The following PARD3B variants were observed in gnomAD, a reference collection of about 807,000 sequenced individuals.
The protein encoded by PARD3B is par-3 family cell polarity regulator beta, also known as partitioning defective 3 homolog B.
PARD3B carries 103 observed loss-of-function variants against 130.2 expected under a neutral mutation model. That is an observed-to-expected ratio of 0.79 (90% CI 0.67 to 0.93). The LOEUF (loss-of-function observed/expected upper bound fraction) is 0.93. PARD3B is among the 40% of genes least tolerant of loss of function. The pLI, the probability that PARD3B is intolerant of heterozygous loss-of-function variation, is 0.00. For missense variants in PARD3B, 1,609 were observed against 1,499.2 expected (o/e 1.07, Z -1.21); for synonymous variants, 583 against 553.2 (o/e 1.05, Z -0.76).
At chr2:204,962,780 C>T (rs1322811872) in intron 2 of PARD3B, among the ~76,000 whole-genome samples, 1 of 152,122 alleles carries the variant, frequency 6.6e-6, no homozygotes, top group Non-Finnish European at 1.5e-5. Context: ...CAGCAAGCAA[C>T]CATGGGAGCC....
At chr2:205,466,374 G>A (rs767969359) in intron 20 of PARD3B, among the ~76,000 whole-genome samples, 1 of 152,066 alleles carries the variant, frequency 6.6e-6, no homozygotes, top group Non-Finnish European at 1.5e-5. Flanking sequence ...TGGAAGAGAG[G>A]GTATGACATT....
chr2:204,555,041 A>G (rs937084542), intron 1 of PARD3B, among the ~76,000 whole-genome samples: 3 of 152,180 alleles, frequency 2.0e-5, no homozygotes, highest in African/African-American at 4.8e-5. Context: ...GAAGGTGCCT[A>G]TGTGATCAGT....
In PARD3B at chr2:205,321,943, G is replaced by C. The variant is rs944426659; in HGVS notation, c.2630+20242G>C. Among the ~76,000 whole-genome samples, 1 of 152,176 alleles carries C rather than the reference G, an allele frequency of 6.6e-6. No homozygotes were observed. The highest frequency in any genetic ancestry group is 6.5e-5 in the Admixed American group (1 of 15,284). ...CGGTAACCATTAAATTTGGTGCAGA[G>C]TGCTTGAATGAAATGGTGAACAGGA... On this transcript the variant is annotated intron_variant, in intron 18 of 22. Coordinates refer to ENST00000406610, the MANE Select transcript of PARD3B (RefSeq NM_001302769.2). The surrounding 1 kb of genome is among the most constrained non-coding windows in gnomAD (Gnocchi z 4.2).
chr2:205,259,892 C>T (rs2040235642), intron 16 of PARD3B, among the ~76,000 whole-genome samples: 1 of 151,936 alleles, frequency 6.6e-6, no homozygotes, highest in African/African-American at 2.4e-5. Context: ...GGGATGGGAC[C>T]CAAGTCTAGA....
At chr2:204,803,144 GAAA>G (rs67190837) in intron 2 of PARD3B, among the ~76,000 whole-genome samples, 546 of 120,104 alleles carry the variant, frequency 4.5e-3, no homozygotes, top group East Asian at 0.014. Context: ...AGTGCTGAAG[GAAA>G]AAAAAAAAAA....
chr2:205,163,026 T>C (rs558928777), intron 11 of PARD3B, among the ~76,000 whole-genome samples: 64 of 152,306 alleles, frequency 4.2e-4, no homozygotes, highest in African/African-American at 1.2e-3. Flanking sequence ...AAAGAATTAC[T>C]TTAAAAATGT....
chr2:204,861,320 G>T (rs1384799036), intron 2 of PARD3B, among the ~76,000 whole-genome samples: 1 of 151,416 alleles, frequency 6.6e-6, no homozygotes, highest in African/African-American at 2.4e-5. Flanking sequence ...ATATAACTTG[G>T]TTTTTCTAAA....
chr2:205,478,040 ACTT>A (rs2049087013), intron 20 of PARD3B, among the ~76,000 whole-genome samples: 1 of 152,156 alleles, frequency 6.6e-6, no homozygotes, highest in Admixed American at 6.5e-5. Context: ...GCCCCACTCC[ACTT>A]CATCCAACCT....
chr2:205,475,858 A>G (rs572052590), intron 20 of PARD3B, among the ~76,000 whole-genome samples: 28 of 152,304 alleles, frequency 1.8e-4, no homozygotes, highest in African/African-American at 6.3e-4. Flanking sequence ...TTGGTGCAGC[A>G]GTTTGAATTT....
At position 205,460,123 on chromosome 2, in the gene PARD3B, GAGTCTCTGCAATTTCCA is replaced by G. The variant is rs1276584381; in HGVS notation, c.3044+19458_3044+19474del. On this transcript the variant is annotated intron_variant, in intron 20 of 22. Transcript: ENST00000406610. This position sits in a 1 kb window ranked among gnomAD's most constrained non-coding sequence, Gnocchi z 4.9. ...TTAGAATCTGGAAAACAACTTTTTT[GAGTCTCTGCAATTTCCA>G]AGTCTCAAAACTAATTCACTAGAAA... Among the ~76,000 whole-genome samples the G allele has an allele frequency of 6.6e-6, 1 of 152,100 alleles. No individual in the cohort carries two copies. The highest frequency in any genetic ancestry group is 1.5e-5 in the Non-Finnish European group (1 of 68,018).
At position 205,268,573 on chromosome 2, in the gene PARD3B, A is replaced by G. The variant is rs1387062286; in HGVS notation, c.2185+22751A>G. Among the ~76,000 whole-genome samples, 1 of 152,188 alleles carries G rather than the reference A, an allele frequency of 6.6e-6. No individual in the cohort carries two copies. The highest frequency in any genetic ancestry group is 1.5e-5 in the Non-Finnish European group (1 of 68,026). On this transcript the variant is annotated intron_variant, in intron 16 of 22. Transcript: ENST00000406610. This position sits in a 1 kb window ranked among gnomAD's most constrained non-coding sequence, Gnocchi z 4.1. ...AAAAATCTGATTTGAAATCAGGTGG[A>G]AAGTGCTCTAATGCCACTAGTATTA...
intron 3 of PARD3B, among the ~76,000 whole-genome samples, chr2:204,994,508 T>C (rs1334653634): frequency 9.0e-5 from 12 of 132,648 alleles, no homozygotes; most frequent in Non-Finnish European, 1.9e-4. Flanking sequence ...AAGTATGTGG[T>C]CAATTTTGGA....
At chr2:205,097,511 T>C (rs1026825910) in intron 4 of PARD3B, among the ~76,000 whole-genome samples, 6 of 152,156 alleles carry the variant, frequency 3.9e-5, no homozygotes, top group Non-Finnish European at 8.8e-5. Context: ...TTTTCCTGAG[T>C]CTCAGATCTG....
At position 205,158,265 on chromosome 2, in the gene PARD3B, C is replaced by T. The variant is rs968361621; in HGVS notation, c.1435-457C>T. ...ATGATATGTTTTAAATTATATATGCCCCATATTTTCCTGAAATTTTAAGAC... is the reference window on the plus strand; with the variant it reads ...ATGATATGTTTTAAATTATATATGCTCCATATTTTCCTGAAATTTTAAGAC... On this transcript the variant is annotated intron_variant, in intron 10 of 22. Transcript: ENST00000406610. This position sits in a 1 kb window ranked among gnomAD's most constrained non-coding sequence, Gnocchi z 5.4. Among the ~76,000 whole-genome samples, 3 of 151,914 alleles carry T rather than the reference C, an allele frequency of 2.0e-5. No homozygotes were observed. The East Asian group carries it at 5.8e-4, about 29-fold the overall frequency.
chr2:204,996,392 C>T (rs1364258211), intron 3 of PARD3B, among the ~76,000 whole-genome samples: 1 of 152,128 alleles, frequency 6.6e-6, no homozygotes, highest in Non-Finnish European at 1.5e-5. Context: ...TTAGGCTGCT[C>T]AGGGGTCAGG....
chr2:205,291,658 G>C lies in PARD3B; in HGVS notation c.2186-8872G>C, dbSNP rs984096773. 4.6e-5 allele frequency among the ~76,000 whole-genome samples: 7 copies of C among 152,168 alleles called. No homozygotes were observed. Among genetic ancestry groups the C allele is most frequent in the African/African-American group, 1.7e-4 (7 of 41,440 alleles). ...TGTTTGAACCCATAGGCACAGCCTG[G>C]CTTTTTCTGACTGCTTATAGTAAAA... On this transcript the variant is annotated intron_variant, in intron 16 of 22. Transcript: ENST00000406610. This position sits in a 1 kb window ranked among gnomAD's most constrained non-coding sequence, Gnocchi z 4.6.
rs911327088 is a variant in PARD3B at position 205,590,210 on chromosome 2, C to T, written c.3261-25246C>T. Among the ~76,000 whole-genome samples, 4 of 152,122 alleles carry T rather than the reference C, an allele frequency of 2.6e-5. No homozygotes were observed. The highest frequency in any genetic ancestry group is 9.7e-5 in the African/African-American group (4 of 41,426). On this transcript the variant is annotated intron_variant, in intron 22 of 22. Transcript: ENST00000406610. This position sits in a 1 kb window ranked among gnomAD's most constrained non-coding sequence, Gnocchi z 4.1. The stretch of plus-strand genomic sequence containing the variant: ...GGTAGATGTAACTGAATTGAAAAGT[C>T]CAAGGACAGACTTATCTTCAGGTTC...
intron 2 of PARD3B, among the ~76,000 whole-genome samples, chr2:204,864,214 G>A: frequency 6.6e-6 from 1 of 152,022 alleles, no homozygotes; most frequent in South Asian, 2.1e-4. Context: ...CCTGCCCCGT[G>A]CCAGATTTGC....
chr2:204,748,790 A>G (rs1186838711), intron 2 of PARD3B, among the ~76,000 whole-genome samples: 6 of 152,164 alleles, frequency 3.9e-5, no homozygotes, highest in Non-Finnish European at 7.4e-5. Flanking sequence ...ATGAAATTGG[A>G]TAATAATTTA....
Sources: gnomAD v4.1 joint callset for allele counts (sites outside exome capture counted in the v4.1 genomes callset) on GRCh38, gnomAD v4.1.1 for gene constraint, Gnocchi (gnomAD v3.1) non-coding constraint, MANE v1.5 for transcripts, NCBI Gene and HGNC (gene_info 2026-07-23, HGNC 2026-07-21) for gene names.